ADGRF3: variants seen among roughly 807,000 people sequenced by gnomAD.
ADGRF3 encodes adhesion G protein-coupled receptor F3.
ADGRF3 carries 85 observed loss-of-function variants against 93.2 expected under a neutral mutation model. That is an observed-to-expected ratio of 0.91 (90% CI 0.77 to 1.09). ADGRF3 has a LOEUF of 1.09. Ranked by LOEUF, ADGRF3 falls within the 50% of genes least tolerant of loss-of-function variation. The probability of loss-of-function intolerance (pLI) is 0.00; values close to 1 mark genes in which losing one functional copy is unlikely to be tolerated. For synonymous variants in ADGRF3, 534 were observed against 532.5 expected (o/e 1.00, Z -0.04); for missense variants, 1,125 against 1,246.2 (o/e 0.90, Z 1.46).
intron 1 of ADGRF3, among the ~76,000 whole-genome samples, chr2:26,323,380 C>T (rs1457752725): frequency 6.6e-6 from 1 of 152,196 alleles, no homozygotes; most frequent in African/African-American, 2.4e-5. Flanking sequence ...AAGTTTTTAG[C>T]TGCTGGCAGC....
chr2:26,314,548 G>A lies in ADGRF3; in HGVS notation c.794C>T (p.Ala265Val), dbSNP rs540093136. The A allele has an allele frequency of 4.3e-5, 69 of 1,614,034 alleles. No homozygotes were observed. In the Middle Eastern group the frequency reaches 4.9e-4, roughly 12 times the overall value. Residue 265 changes from alanine to valine, a missense_variant, in exon 6 of 14, where the codon GCG (alanine) becomes GTG (valine). Physicochemically the swap from Ala to Val is moderately conservative, Grantham distance 64. Coordinates refer to ENST00000651242, the MANE Select transcript of ADGRF3 (RefSeq NM_001321971.2). ...LYEVVRVPLK[A>V]TDVARLPYQL... The stretch of plus-strand genomic sequence containing the variant: ...GTATGGAAGTCGAGCCACATCTGTC[G>A]CCTTCAAGGGCACCCTCACCACCTC...
chr2:26,345,141 T>C (rs1181813766), intron 1 of ADGRF3, among the ~76,000 whole-genome samples: 1 of 152,136 alleles, frequency 6.6e-6, no homozygotes, highest in Non-Finnish European at 1.5e-5. Context: ...GGCTGCCTAA[T>C]CTGAAAAAGG....
chr2:26,345,743 C>T lies in ADGRF3; in HGVS notation c.114+378G>A, dbSNP rs903206833. The stretch of plus-strand genomic sequence containing the variant: ...ACTGCTGAACTGGTTCGCAAGCAGT[C>T]ACTCTACCCCCAAGACTAAAACGGT... On this transcript the variant is annotated intron_variant, in intron 1 of 13. Transcript: ENST00000651242. 2.4e-5 allele frequency: 5 copies of T among 212,164 alleles called. No individual in the cohort carries two copies. In the Admixed American group the frequency reaches 2.9e-4, roughly 12 times the overall value. 13.1% of individuals were successfully genotyped at this position (212,164 alleles called of 1,614,324 possible).
At chr2:26,322,216 A>AGGT (rs1230056921) in intron 1 of ADGRF3, among the ~76,000 whole-genome samples, 1 of 141,336 alleles carries the variant, frequency 7.1e-6, no homozygotes, top group Non-Finnish European at 1.5e-5. Context: ...TGGGAGGTGG[A>AGGT]GGTTGCAGTG....
chr2:26,309,840 A>C, intron 12 of ADGRF3: 1 of 1,241,938 alleles, frequency 8.1e-7, no homozygotes, highest in Non-Finnish European at 1.1e-6. Flanking sequence ...ATAATCAGGA[A>C]CCCAGGACCC....
intron 1 of ADGRF3, among the ~76,000 whole-genome samples, chr2:26,343,534 G>T (rs1383481766): frequency 6.6e-6 from 1 of 151,980 alleles, no homozygotes; most frequent in Non-Finnish European, 1.5e-5. Flanking sequence ...CCGCCTCCCG[G>T]GTTCACACCA....
chr2:26,315,730 G>T lies in ADGRF3; in HGVS notation c.510C>A (p.Ile170=), dbSNP rs1356652648. The T allele has an allele frequency of 1.2e-5, 19 of 1,551,250 alleles. No homozygotes were observed. The East Asian group carries it at 4.4e-4, about 36-fold the overall frequency. The change falls in exon 5 of 14, where the codon ATC becomes ATA. Residue 170 remains isoleucine (I), a synonymous_variant. Coordinates refer to ENST00000651242, the MANE Select transcript of ADGRF3 (RefSeq NM_001321971.2). ...TCTGCAGCTGGGAGTTCAGGTTGAG[G>T]ATCCCGGGGACTGCAGGGAGGCAGG... ...YCQLLPPVPG[I]LNLNSQLQMP...
chr2:26,325,790 T>C (rs1449972188), intron 1 of ADGRF3, among the ~76,000 whole-genome samples: 1 of 152,208 alleles, frequency 6.6e-6, no homozygotes, highest in East Asian at 1.9e-4. Flanking sequence ...TCTTATAAAC[T>C]TAAGTATCTG....
At position 26,310,148 on chromosome 2, in the gene ADGRF3, C is replaced by T. The variant is rs145799242; in HGVS notation, c.2875-43G>A. ...GCTCTGCTTATGCCAGCCACGGCCC[C>T]GGCCTGCGGGCTGCAAGTGAGGCAG... On this transcript the variant is annotated intron_variant, in intron 11 of 13. Transcript: ENST00000651242. 704 of 1,613,940 alleles carry T rather than the reference C, an allele frequency of 4.4e-4. 2 individuals are homozygous for T. In the African/African-American group the frequency reaches 5.4e-3, roughly 12 times the overall value.
chr2:26,309,260 A>G, intron 13 of ADGRF3, 153 bp from the exon 14 acceptor site: 1 of 1,583,296 alleles, frequency 6.3e-7, no homozygotes, highest in Non-Finnish European at 8.6e-7. Context: ...GAATTTTCAG[A>G]GAAACCAAGT....
At chr2:26,314,679 G>A (rs1674503152) in intron 5 of ADGRF3, 56 bp from the exon 6 acceptor site, 1 of 1,469,444 alleles carries the variant, frequency 6.8e-7, no homozygotes, top group Admixed American at 1.9e-5. Flanking sequence ...CTGCACCACA[G>A]AATCTCTGCT....
At chr2:26,309,871 A>G in intron 12 of ADGRF3, 172 bp downstream of exon 12, 1 of 1,476,260 alleles carries the variant, frequency 6.8e-7, no homozygotes, top group Non-Finnish European at 9.2e-7. Flanking sequence ...TGCTCTGACC[A>G]GGCTGCTCAT....
In ADGRF3 at chr2:26,309,023, T is replaced by A. The variant is rs1673788786; in HGVS notation, c.*63A>T. 2.5e-6 allele frequency: 4 copies of A among 1,612,196 alleles called. No individual in the cohort carries two copies. The highest frequency in any genetic ancestry group is 3.4e-6 in the Non-Finnish European group (4 of 1,178,484). ...AGAGTTCAGAGCATTGGGCCAGGGC[T>A]CATCTGGTGGGTTCAAGCACACAGC... On this transcript the variant is annotated 3_prime_UTR_variant, in exon 14 of 14. Transcript: ENST00000651242.
chr2:26,321,787 C>T, intron 1 of ADGRF3, among the ~76,000 whole-genome samples: 1 of 150,588 alleles, frequency 6.6e-6, no homozygotes, highest in East Asian at 2.0e-4. Flanking sequence ...GTCTGGCCAA[C>T]ATGGTGAAAC....
At position 26,310,184 on chromosome 2, in the gene ADGRF3, G is replaced by A. The variant is rs377704418; in HGVS notation, c.2874+12C>T. ...CTGCAAGTGAGGCAGGGGGTTAGGTGGGCAGACTTACCTTCCTGTCCATGA... is the reference window on the plus strand; with the variant it reads ...CTGCAAGTGAGGCAGGGGGTTAGGTAGGCAGACTTACCTTCCTGTCCATGA... On this transcript the variant is annotated intron_variant, in intron 11 of 13. Transcript: ENST00000651242. 2.5e-5 allele frequency: 41 copies of A among 1,613,870 alleles called. No individual in the cohort carries two copies. In the African/African-American group the frequency reaches 5.3e-4, roughly 21 times the overall value.
chr2:26,311,083 A>T lies in ADGRF3; in HGVS notation c.2441T>A (p.Val814Asp), dbSNP rs1321467593. The change falls in exon 10 of 14, where the codon GTT becomes GAT. Residue 814 changes from valine (V) to aspartate (D), a missense_variant. Val to Asp is a radical substitution (Grantham distance 152, BLOSUM62 -3). Transcript: ENST00000651242. The part of the protein sequence containing the change: ...FVFHQLAKHR[V>D]LPLMVLLGYL... ...GCCCAGGAGCACCATGAGGGGGAGA[A>T]CTCGGTGCTTTGCCAGCTGGTGAAA... 6.2e-7 allele frequency: 1 copy of T among 1,605,274 alleles called. No homozygotes were observed.
rs763633006 is a variant in ADGRF3 at position 26,346,187 on chromosome 2, G to C, written c.48C>G (p.Tyr16Ter). 4 of 1,613,042 alleles carry C rather than the reference G, an allele frequency of 2.5e-6. No individual in the cohort carries two copies. The Admixed American group carries it at 6.7e-5, about 27-fold the overall frequency. ...TGTGGTGCTTGTGTGTCACAGCCTT[G>C]TAGCCGGGAGTCGCTGCCGAGTGGG... ...LSAHSAATPG[Y>*]KAVTHKHHTG... The change falls in exon 1 of 14, where the codon TAC (tyrosine) becomes TAG (stop). Residue 16 changes from tyrosine to a stop codon, truncating the protein, a stop_gained. Coordinates refer to ENST00000651242, the MANE Select transcript of ADGRF3 (RefSeq NM_001321971.2). LOFTEE classifies it high-confidence loss of function.
rs763103731 is a variant in ADGRF3 at position 26,346,153 on chromosome 2, C to T, written c.82G>A (p.Ala28Thr). The T allele has an allele frequency of 3.7e-6, 6 of 1,607,966 alleles. No homozygotes were observed. Among genetic ancestry groups the T allele is most frequent in the East Asian group, 2.2e-5 (1 of 44,662 alleles). Residue 28 changes from alanine (A) to threonine (T), a missense_variant, in exon 1 of 14, where the codon GCA (alanine) becomes ACA (threonine). Physicochemically the swap from Ala to Thr is moderately conservative, Grantham distance 58. Coordinates refer to ENST00000651242, the MANE Select transcript of ADGRF3 (RefSeq NM_001321971.2). Reference protein sequence around the residue: ...AVTHKHHTGWARMAKTGLPEK... With the variant: ...AVTHKHHTGWTRMAKTGLPEK... ...GGCAGCCCAGTCTTTGCCATCCTTG[C>T]CCAGCCGGTGTGGTGCTTGTGTGTC...
chr2:26,310,118 T>A lies in ADGRF3; in HGVS notation c.2875-13A>T, dbSNP rs777954534. The A allele has an allele frequency of 1.4e-5, 23 of 1,613,810 alleles. No individual in the cohort carries two copies. The highest frequency in any genetic ancestry group is 1.9e-5 in the Non-Finnish European group (22 of 1,179,888). On this transcript the variant is annotated splice_polypyrimidine_tract_variant and intron_variant, in intron 11 of 13. Coordinates refer to ENST00000651242, the MANE Select transcript of ADGRF3 (RefSeq NM_001321971.2). The stretch of plus-strand genomic sequence containing the variant: ...AAGCTTCTTGTATCTGCGGGAGAGG[T>A]AAATGCTCTGCTTATGCCAGCCACG...
Sources: allele counts gnomAD v4.1 joint callset (sites outside exome capture counted in the v4.1 genomes callset), GRCh38; gene constraint gnomAD v4.1.1; transcripts MANE v1.5; gene names NCBI Gene and HGNC (gene_info 2026-07-23, HGNC 2026-07-21).